PAX6: variants seen among roughly 807,000 people sequenced by gnomAD.
The protein encoded by PAX6 is paired box protein Pax-6.
In PAX6, 7 loss-of-function variants were observed where a neutral mutation model predicts 60.7. The ratio of observed to expected loss-of-function variants is 0.12; its 90% CI spans 0.07 to 0.22. The LOEUF (loss-of-function observed/expected upper bound fraction) is 0.22. Among genes scored for constraint, PAX6 ranks in the 10% least tolerant of loss-of-function variants. The pLI, the probability that PAX6 is intolerant of heterozygous loss-of-function variation, is 1.00. For synonymous variants in PAX6, 208 were observed against 201.2 expected (o/e 1.03, Z -0.29); for missense variants, 355 against 555.2 (o/e 0.64, Z 3.62).
upstream of PAX6, chr11:31,814,990 G>GTGTCTCTCTCTCTCTCTC: frequency 7.7e-6 from 1 of 130,368 alleles, no homozygotes; most frequent in Admixed American, 7.6e-5. Flanking sequence ...AGGCCAGCCT[G>GTGTCTCTCTCTCTCTCTC]TCTCTCTCTC....
rs779011962 is a variant in PAX6 at position 31,794,828 on chromosome 11, T to G, written c.566-40A>C. On this transcript the variant is annotated intron_variant, in intron 8 of 13. Coordinates refer to ENST00000640368, the MANE Select transcript of PAX6 (RefSeq NM_001368894.2). ...ATAGGATGGTAAGAGAAATTTGGAT[T>G]AACTTGGAGCCTCCAAAAGGGGCCT... is the stretch of plus-strand genomic sequence containing the variant. 41 of 1,605,326 alleles carry G rather than the reference T, an allele frequency of 2.6e-5. 2 individuals carry two copies. Among genetic ancestry groups the G allele is most frequent in the South Asian group, 2.5e-4 (23 of 90,884 alleles).
intron 1 of PAX6, chr11:31,816,481 G>T (rs1247321581): frequency 1.4e-5 from 10 of 692,848 alleles, no homozygotes; most frequent in Non-Finnish European, 1.6e-5. Flanking sequence ...GAATAAACAC[G>T]ATCTCCAATA....
Position 31,794,755 on chromosome 11 carries a change from T to G in PAX6, c.599A>C (p.Asn200Thr), listed in dbSNP as rs1489785272. Residue 200 changes from asparagine to threonine, a missense_variant, in exon 9 of 14, where the codon AAT becomes ACT. Around this residue, in one of 5 missense-constraint regions of PAX6, gnomAD observed 143 missense variants for 183.6 expected, o/e 0.78. Transcript: ENST00000640368. ...TCCGTTGGAACTGATGGAGTTGGTATTCTCTCCCCCTCCTTCCTGTTGCTG... is the reference window on the plus strand; with the variant it reads ...TCCGTTGGAACTGATGGAGTTGGTAGTCTCTCCCCCTCCTTCCTGTTGCTG... ...GCQQQEGGGE[N>T]TNSISSNGED... 1 of 1,614,000 alleles carries G rather than the reference T, an allele frequency of 6.2e-7. No individual in the cohort carries two copies. The highest frequency in any genetic ancestry group is 1.3e-5 in the African/African-American group (1 of 74,906).
rs1238861297 is a variant in PAX6 at position 31,790,774 on chromosome 11, G to A, written c.1161C>T (p.Thr387=). 6.2e-7 allele frequency: 1 copy of A among 1,613,982 alleles called. No individual in the cohort carries two copies. Among genetic ancestry groups the A allele is most frequent in the Non-Finnish European group, 8.5e-7 (1 of 1,180,018 alleles). The change falls in exon 13 of 14, where the codon ACC becomes ACT. Residue 387 remains threonine (T), a synonymous_variant. Coordinates refer to ENST00000640368, the MANE Select transcript of PAX6 (RefSeq NM_001368894.2). ...TCATGTGTGTCTGCATATGTGGGGGGGTGTAGGTATCATAACTCCGCCCAT... is the reference window on the plus strand; with the variant it reads ...TCATGTGTGTCTGCATATGTGGGGGAGTGTAGGTATCATAACTCCGCCCAT... ...SVNGRSYDTY[T]PPHMQTHMNS...
rs966832594 is a variant in PAX6, at chr11:31,793,963, G to A, written c.807+69C>T. ...TATAAATAAATAGTACTCTGTACAA[G>A]CACCTCTGTCTCTAGGAAAGACAAA... On this transcript the variant is annotated intron_variant, in intron 10 of 13. Transcript: ENST00000640368. 1.6e-5 allele frequency: 20 copies of A among 1,263,070 alleles called. No homozygotes were observed. In the African/African-American group the frequency reaches 1.6e-4, roughly 10 times the overall value. 78.2% of individuals were successfully genotyped at this position (1,263,070 alleles called of 1,614,324 possible).
chr11:31,815,739 C>A (rs1276017610), upstream of PAX6, among the ~76,000 whole-genome samples: 3 of 150,824 alleles, frequency 2.0e-5, no homozygotes, highest in African/African-American at 7.4e-5. Flanking sequence ...GGATCAAAAG[C>A]CGGGATCCCA....
chr11:31,815,280 A>C (rs768021456), upstream of PAX6, among the ~76,000 whole-genome samples: 9 of 152,162 alleles, frequency 5.9e-5, no homozygotes, highest in Non-Finnish European at 1.2e-4. Flanking sequence ...TTTCCATTTC[A>C]TCACCCTGTG....
intron 1 of PAX6, chr11:31,816,432 G>T (rs1264099691): frequency 9.1e-6 from 6 of 658,316 alleles, no homozygotes; most frequent in Non-Finnish European, 1.4e-5. Flanking sequence ...ACTCTGGTCA[G>T]AGGTAATTAT....
At chr11:31,800,508 C>A in intron 8 of PAX6, 183 bp downstream of exon 8, 1 of 806,660 alleles carries the variant, frequency 1.2e-6, no homozygotes, top group Non-Finnish European at 2.1e-6. Context: ...CCCAGGCCAA[C>A]AAAATGGTTC....
rs1299393363 is a variant in PAX6, at chr11:31,810,893, T to A, written c.-194A>T. 2.5e-6 allele frequency: 1 copy of A among 399,116 alleles called. No homozygotes were observed. The highest frequency in any genetic ancestry group is 4.4e-6 in the Non-Finnish European group (1 of 226,142). 24.7% of individuals were successfully genotyped at this position (399,116 alleles called of 1,614,324 possible). A position where few individuals can be genotyped will look rare whatever the true frequency, so the allele number is the denominator to read the frequency against. On this transcript the variant is annotated 5_prime_UTR_variant, in exon 2 of 14. Transcript: ENST00000640368. Reference sequence around the variant, plus strand: ...AGAGTTTTGTTTGGTTGGGGTTTTTTGTGCTGCTGTTGTTGCTTGAAGACC... The same window carrying A: ...AGAGTTTTGTTTGGTTGGGGTTTTTAGTGCTGCTGTTGTTGCTTGAAGACC...
intron 8 of PAX6, among the ~76,000 whole-genome samples, chr11:31,798,036 C>A (rs546042854): frequency 1.3e-5 from 2 of 151,854 alleles, no homozygotes; most frequent in East Asian, 1.9e-4. Context: ...GAAATAAAAT[C>A]ATTCCTTAGT....
upstream of PAX6, among the ~76,000 whole-genome samples, chr11:31,815,230 C>A (rs1234132852): frequency 7.2e-5 from 11 of 152,148 alleles, no homozygotes; most frequent in African/African-American, 2.7e-4. Flanking sequence ...ATCAGCGGCA[C>A]TCTCCGATTT....
At chr11:31,796,163 A>G (rs1472791939) in intron 8 of PAX6, among the ~76,000 whole-genome samples, 3 of 152,164 alleles carry the variant, frequency 2.0e-5, no homozygotes, top group African/African-American at 7.2e-5. Context: ...TTGGAGATCT[A>G]TTGAGATGAC....
At chr11:31,795,670 T>A (rs1951246653) in intron 8 of PAX6, among the ~76,000 whole-genome samples, 1 of 152,284 alleles carries the variant, frequency 6.6e-6, no homozygotes, top group African/African-American at 2.4e-5. Flanking sequence ...TTCCACCACT[T>A]TGAATGTAAC....
rs786205467 is a variant in PAX6, at chr11:31,793,492, G to A, written c.1020C>T (p.Tyr340=). ...GRTDTALTNT[Y]SALPPMPSFT... ...AGCTGGGCATAGGCGGCAGAGCGCT[G>A]TAGGTGTTTGTGAGGGCTGTGTCTG... Residue 340 remains tyrosine, a synonymous_variant, in exon 12 of 14, where the codon TAC becomes TAT. Transcript: ENST00000640368. 9 of 1,614,138 alleles carry A rather than the reference G, an allele frequency of 5.6e-6. No homozygotes were observed. The highest frequency in any genetic ancestry group is 1.7e-5 in the Admixed American group (1 of 60,014).
chr11:31,793,165 C>G, intron 12 of PAX6: 1 of 631,380 alleles, frequency 1.6e-6, no homozygotes, highest in Admixed American at 2.4e-5. Flanking sequence ...CCCACCACCA[C>G]CCAACATTAT....
Position 31,806,414 on chromosome 11 carries a change from T to C in PAX6, c.-3A>G, listed in dbSNP as rs1236600688. On this transcript the variant is annotated 5_prime_UTR_variant, in exon 4 of 14. Coordinates refer to ENST00000640368, the MANE Select transcript of PAX6 (RefSeq NM_001368894.2). ...CAGAGGCACTTACTGTTCTGCATGC[T>C]GGCTCTGGCTGGGGGCCGCGGGATT... The C allele has an allele frequency of 6.2e-7, 1 of 1,609,916 alleles. No homozygotes were observed. The highest frequency in any genetic ancestry group is 8.5e-7 in the Non-Finnish European group (1 of 1,178,270).
In PAX6 at chr11:31,817,588, T is replaced by C. The variant is rs543114227; in HGVS notation, c.-317+221A>G. 4.6e-5 allele frequency among the ~76,000 whole-genome samples: 7 copies of C among 152,372 alleles called. No homozygotes were observed. In the East Asian group the frequency reaches 1.4e-3, roughly 29 times the overall value. On this transcript the variant is annotated intron_variant, in intron 1 of 12. Coordinates refer to the PAX6 transcript ENST00000241001. ...TCTTAGGAGTGGAACATTTTGCTAC[T>C]TTTGCAGAAGAGCACACTCGGCAAA...
At chr11:31,801,986 G>A (rs1241597125) in intron 5 of PAX6, 74 bp from the exon 6 acceptor site, 14 of 1,227,270 alleles carry the variant, frequency 1.1e-5, no homozygotes, top group Non-Finnish European at 1.7e-5. Flanking sequence ...AATTACATTT[G>A]TAGCCCTAAA....
Sources: gnomAD v4.1 joint callset for allele counts (sites outside exome capture counted in the v4.1 genomes callset) on GRCh38, gnomAD v4.1.1 for gene constraint, gnomAD v4.1.1 regional missense constraint, MANE v1.5 for transcripts, NCBI Gene and HGNC (gene_info 2026-07-23, HGNC 2026-07-21) for gene names.